CHGB: variants seen among roughly 807,000 people sequenced by gnomAD.
CHGB encodes secretogranin-1.
In CHGB, 46 loss-of-function variants were observed where a neutral mutation model predicts 69.9. The ratio of observed to expected loss-of-function variants is 0.66; its 90% CI spans 0.52 to 0.84. CHGB has a LOEUF of 0.84. CHGB is among the 40% of genes least tolerant of loss of function. CHGB has a pLI of 0.00. For synonymous variants in CHGB, 312 were observed against 298.2 expected (o/e 1.05, Z -0.48); for missense variants, 796 against 822.2 (o/e 0.97, Z 0.39).
At chr20:5,920,010 C>A (rs935604705) in intron 3 of CHGB, among the ~76,000 whole-genome samples, 16 of 145,432 alleles carry the variant, frequency 1.1e-4, no homozygotes, top group African/African-American at 4.0e-4. Context: ...GTCATCCTTA[C>A]AGCATGACAG....
chr20:5,922,995 A>G lies in CHGB; in HGVS notation c.851A>G (p.His284Arg). 6.2e-7 allele frequency: 1 copy of G among 1,610,646 alleles called. No homozygotes were observed. Among genetic ancestry groups the G allele is most frequent in the Admixed American group, 1.7e-5 (1 of 59,304 alleles). Residue 284 changes from histidine to arginine, a missense_variant, in exon 4 of 5, where the codon CAC becomes CGC. Coordinates refer to ENST00000378961, the MANE Select transcript of CHGB (RefSeq NM_001819.3). Reference sequence around the variant, plus strand: ...AAACGACGCACGAGGCCCAGACACCACCACGGGAGGAGCAGGCCCGACAGG... The same window carrying G: ...AAACGACGCACGAGGCCCAGACACCGCCACGGGAGGAGCAGGCCCGACAGG... ...VDKRRTRPRHHHGRSRPDRSS... is the reference protein window; with the variant it reads ...VDKRRTRPRHRHGRSRPDRSS...
Position 5,924,112 on chromosome 20 carries a change from G to C in CHGB, c.1956+12G>C. ...TGACAGAGGACGAGGTATGGTCTAG[G>C]GCTTCTGTTTAAAAGTACTTACTCT... On this transcript the variant is annotated intron_variant, in intron 4 of 4. Coordinates refer to ENST00000378961, the MANE Select transcript of CHGB (RefSeq NM_001819.3). 1.3e-6 allele frequency: 2 copies of C among 1,579,540 alleles called. No homozygotes were observed. Among genetic ancestry groups the C allele is most frequent in the Non-Finnish European group, 1.7e-6 (2 of 1,163,924 alleles).
chr20:5,922,732 C>T lies in CHGB; in HGVS notation c.588C>T (p.Asn196=), dbSNP rs149359798. ...TTGAAGAGCCAGGAGAGACACAAAA[C>T]GCTTTTCTCAATGAAAGAAAGCAGG... ...KHLEEPGETQ[N]AFLNERKQAS... The change falls in exon 4 of 5, where the codon AAC becomes AAT. Residue 196 remains asparagine, a synonymous_variant. Transcript: ENST00000378961. 50 of 1,614,126 alleles carry T rather than the reference C, an allele frequency of 3.1e-5. No homozygotes were observed. In the East Asian group the frequency reaches 3.3e-4, roughly 11 times the overall value.
chr20:5,916,037 A>G, intron 1 of CHGB: 1 of 275,048 alleles, frequency 3.6e-6, no homozygotes, highest in Non-Finnish European at 6.8e-6. Context: ...TAATTGAAAT[A>G]AAATATATAG....
chr20:5,921,022 C>T (rs1413502835), intron 3 of CHGB, among the ~76,000 whole-genome samples: 2 of 152,020 alleles, frequency 1.3e-5, no homozygotes, highest in African/African-American at 4.8e-5. Flanking sequence ...TAATGTGAGC[C>T]ACAAATATAA....
chr20:5,917,132 G>A, intron 3 of CHGB: 1 of 570,266 alleles, frequency 1.8e-6, no homozygotes, highest in Non-Finnish European at 3.1e-6. Context: ...AGGAAAGACA[G>A]TTTGCCTCTC....
rs748881624 is a variant in CHGB at position 5,923,200 on chromosome 20, G to A, written c.1056G>A (p.Gln352=). Residue 352 remains glutamine, a synonymous_variant, in exon 4 of 5, where the codon CAG becomes CAA. Transcript: ENST00000378961. ...GEEIKGYPGV[Q]APEDLEWERY... Reference sequence around the variant, plus strand: ...AAATAAAGGGTTATCCAGGCGTCCAGGCCCCTGAGGACCTGGAGTGGGAGC... The same window carrying A: ...AAATAAAGGGTTATCCAGGCGTCCAAGCCCCTGAGGACCTGGAGTGGGAGC... 4.2e-5 allele frequency: 67 copies of A among 1,613,734 alleles called. No individual in the cohort carries two copies. Among genetic ancestry groups the A allele is most frequent in the Non-Finnish European group, 5.5e-5 (65 of 1,179,834 alleles).
At chr20:5,922,061 G>A (rs974618341) in intron 3 of CHGB, among the ~76,000 whole-genome samples, 13 of 152,088 alleles carry the variant, frequency 8.5e-5, no homozygotes, top group Admixed American at 3.3e-4. Flanking sequence ...TCTATATCTC[G>A]ATTTCAGTTT....
intron 3 of CHGB, among the ~76,000 whole-genome samples, chr20:5,920,772 G>A (rs562828905): frequency 8.5e-5 from 13 of 152,290 alleles, no homozygotes; most frequent in African/African-American, 3.1e-4. Context: ...CACCACCACT[G>A]GCTTTTAAGA....
chr20:5,912,425 C>T (rs1198805284), intron 1 of CHGB, among the ~76,000 whole-genome samples: 3 of 151,952 alleles, frequency 2.0e-5, no homozygotes, highest in African/African-American at 4.8e-5. Context: ...AGTATTTTGA[C>T]TTCTGTACTC....
chr20:5,917,109 G>C, intron 3 of CHGB, 190 bp downstream of exon 3: 1 of 613,844 alleles, frequency 1.6e-6, no homozygotes, highest in Non-Finnish European at 2.9e-6. Context: ...CCACTTCGCA[G>C]CTGTGTGACT....
At chr20:5,913,089 A>T (rs1412653452) in intron 1 of CHGB, among the ~76,000 whole-genome samples, 1 of 152,242 alleles carries the variant, frequency 6.6e-6, no homozygotes, top group African/African-American at 2.4e-5. Flanking sequence ...CATTTGTGGG[A>T]ATGATTTAAC....
intron 3 of CHGB, among the ~76,000 whole-genome samples, chr20:5,921,790 G>A (rs932766652): frequency 1.3e-5 from 2 of 152,186 alleles, no homozygotes; most frequent in African/African-American, 4.8e-5. Flanking sequence ...ATAAAAGTCT[G>A]ATATAAACTA....
intron 3 of CHGB, among the ~76,000 whole-genome samples, chr20:5,918,341 C>T (rs2088491183): frequency 6.6e-6 from 1 of 151,726 alleles, no homozygotes; most frequent in African/African-American, 2.4e-5. Flanking sequence ...GAGATCGTGG[C>T]ATTCCACTCC....
Position 5,911,702 on chromosome 20 carries a change from C to T in CHGB, c.49+20C>T. On this transcript the variant is annotated intron_variant, in intron 1 of 4. Coordinates refer to ENST00000378961, the MANE Select transcript of CHGB (RefSeq NM_001819.3). ...TGGCGGGTGAGTGGGCGCGGCGGGC[C>T]GGTCAGCACCGCGGACAGCGCCAGC... The T allele has an allele frequency of 2.8e-6, 4 of 1,422,662 alleles. No individual in the cohort carries two copies. The highest frequency in any genetic ancestry group is 3.7e-6 in the Non-Finnish European group (4 of 1,094,616). 88.1% of individuals were successfully genotyped at this position (1,422,662 alleles called of 1,614,324 possible).
At chr20:5,919,422 G>A (rs1236050057) in intron 3 of CHGB, among the ~76,000 whole-genome samples, 1 of 152,214 alleles carries the variant, frequency 6.6e-6, no homozygotes, top group African/African-American at 2.4e-5. Context: ...ACCAGGCAGA[G>A]CTAGACAGAC....
At position 5,925,070 on chromosome 20, in the gene CHGB, A is replaced by G. The variant is rs534956950; in HGVS notation, c.*21A>G. On this transcript the variant is annotated 3_prime_UTR_variant, in exon 5 of 5. Coordinates refer to ENST00000378961, the MANE Select transcript of CHGB (RefSeq NM_001819.3). ...GCTGACTGTCATTGGAGCGGTGGGC[A>G]CTGTTAAGAAGCAGCCATCACATGA... 3.1e-5 allele frequency: 48 copies of G among 1,553,900 alleles called. 1 individual carries two copies. In the South Asian group the frequency reaches 5.2e-4, roughly 17 times the overall value.
At chr20:5,919,401 G>A (rs891799643) in intron 3 of CHGB, among the ~76,000 whole-genome samples, 42 of 152,300 alleles carry the variant, frequency 2.8e-4, no homozygotes, top group African/African-American at 8.2e-4. Flanking sequence ...TTCTGTGGTT[G>A]AGCCTTAAAC....
At position 5,911,722 on chromosome 20, in the gene CHGB, G is replaced by A. The variant is rs2088447931; in HGVS notation, c.49+40G>A. On this transcript the variant is annotated intron_variant, in intron 1 of 4. Coordinates refer to ENST00000378961, the MANE Select transcript of CHGB (RefSeq NM_001819.3). ...CGGGCCGGTCAGCACCGCGGACAGCGCCAGCCTCGCTCTTCCCCGCCGCTC... is the reference window on the plus strand; with the variant it reads ...CGGGCCGGTCAGCACCGCGGACAGCACCAGCCTCGCTCTTCCCCGCCGCTC... 4 of 1,381,052 alleles carry A rather than the reference G, an allele frequency of 2.9e-6. No individual in the cohort carries two copies. In the African/African-American group the frequency reaches 4.6e-5, roughly 16 times the overall value. 85.5% of individuals were successfully genotyped at this position (1,381,052 alleles called of 1,614,324 possible). A position where few individuals can be genotyped will look rare whatever the true frequency, so the allele number is the denominator to read the frequency against.
Sources: gnomAD v4.1 joint callset for allele counts (sites outside exome capture counted in the v4.1 genomes callset) on GRCh38, gnomAD v4.1.1 for gene constraint, MANE v1.5 for transcripts, NCBI Gene and HGNC (gene_info 2026-07-23, HGNC 2026-07-21) for gene names.